Variants in SLC43A2 observed in about 807,000 individuals in gnomAD.
SLC43A2 encodes the protein large neutral amino acids transporter small subunit 4.
SLC43A2 carries 38 observed loss-of-function variants against 63.2 expected under a neutral mutation model. That is an observed-to-expected ratio of 0.60 (90% confidence interval 0.46 to 0.79). SLC43A2 has a LOEUF of 0.79. SLC43A2 is among the 30% of genes least tolerant of loss of function. SLC43A2 has a pLI of 0.00. For missense variants in SLC43A2, 644 were observed against 756.2 expected (o/e 0.85, Z 1.74); for synonymous variants, 322 against 331.0 (o/e 0.97, Z 0.30).
chr17:1,594,688 C>T (rs548971343), intron 5 of SLC43A2, among the ~76,000 whole-genome samples: 24 of 147,880 alleles, frequency 1.6e-4, no homozygotes, highest in African/African-American at 4.3e-4. Flanking sequence ...CCCAGGTTCA[C>T]GCCATTCTCC....
chr17:1,578,379 C>A lies in SLC43A2; in HGVS notation c.1351-56G>T. ...AGGCCTTAAGGGACCGTCCCCTCAG[C>A]CCCCGCCCTCCAATTCCTGGGGGCC... On this transcript the variant is annotated intron_variant, in intron 11 of 13. Coordinates refer to ENST00000301335, the MANE Select transcript of SLC43A2 (RefSeq NM_152346.3). The surrounding 1 kb of genome is among the most constrained non-coding windows in gnomAD (Gnocchi z 6.5). 1 of 1,541,336 alleles carries A rather than the reference C, an allele frequency of 6.5e-7. No homozygotes were observed. The highest frequency in any genetic ancestry group is 8.9e-7 in the Non-Finnish European group (1 of 1,126,776).
In SLC43A2 at chr17:1,574,784, G is replaced by A. The variant is rs892351860; in HGVS notation, c.*820C>T. On this transcript the variant is annotated 3_prime_UTR_variant, in exon 14 of 14. Coordinates refer to ENST00000301335, the MANE Select transcript of SLC43A2 (RefSeq NM_152346.3). ...CCACACACACCTCGGACCCACCCAC[G>A]TCCCCACCCCGGCCTGGACCTCCAC... 2.1e-5 allele frequency: 3 copies of A among 143,380 alleles called. No homozygotes were observed. The highest frequency in any genetic ancestry group is 2.2e-4 in the East Asian group (1 of 4,492). The allele number at this position is 143,380 out of a possible 1,614,324, so 8.9% of individuals were successfully genotyped here. A position where few individuals can be genotyped will look rare whatever the true frequency, so the allele number is the denominator to read the frequency against.
At position 1,613,289 on chromosome 17, in the gene SLC43A2, G is replaced by A. The variant is rs1255715420; in HGVS notation, c.425-18C>T. The A allele has an allele frequency of 6.2e-7, 1 of 1,613,478 alleles. No homozygotes were observed. The highest frequency in any genetic ancestry group is 1.3e-5 in the African/African-American group (1 of 74,904). On this transcript the variant is annotated intron_variant, in intron 4 of 13. Transcript: ENST00000301335. The stretch of plus-strand genomic sequence containing the variant: ...GGAGAGAGCTGCAGGGACATGGAAA[G>A]CTCGTGAGTGGAGACCCCAGCTGAG...
In SLC43A2 at chr17:1,569,455, A is replaced by G. The variant is rs961019164; in HGVS notation, c.*6149T>C. On this transcript the variant is annotated 3_prime_UTR_variant, in exon 14 of 14. Coordinates refer to ENST00000301335, the MANE Select transcript of SLC43A2 (RefSeq NM_152346.3). ...CGGGGTCTTGGGGCCGCTCCTGCCC[A>G]GGTGTTCTTTCCAGCAATGGAAAGG... 2 of 152,182 alleles carry G rather than the reference A, an allele frequency of 1.3e-5. No individual in the cohort carries two copies. The highest frequency in any genetic ancestry group is 2.9e-5 in the Non-Finnish European group (2 of 68,042). The allele number at this position is 152,182 out of a possible 1,614,324, so 9.4% of individuals were successfully genotyped here. A position where few individuals can be genotyped will look rare whatever the true frequency, so the allele number is the denominator to read the frequency against.
Position 1,605,278 on chromosome 17 carries a change from G to T in SLC43A2, c.501+7917C>A. ...GGCTGCAGCATAAACAGGCCGGACT[G>T]TGTGACCTTCCCAGAGGGGAAAACA... On this transcript the variant is annotated intron_variant, in intron 5 of 13. Transcript: ENST00000301335. This position sits in a 1 kb window ranked among gnomAD's most constrained non-coding sequence, Gnocchi z 4.9. 9.7e-7 allele frequency: 1 copy of T among 1,028,348 alleles called. No homozygotes were observed. Among genetic ancestry groups the T allele is most frequent in the South Asian group, 3.1e-5 (1 of 32,406 alleles). The allele number at this position is 1,028,348 out of a possible 1,614,324, so 63.7% of individuals were successfully genotyped here. A position where few individuals can be genotyped will look rare whatever the true frequency, so the allele number is the denominator to read the frequency against.
chr17:1,586,492 C>T (rs1395119803), intron 9 of SLC43A2, among the ~76,000 whole-genome samples: 4 of 151,972 alleles, frequency 2.6e-5, no homozygotes, highest in Admixed American at 6.6e-5. Context: ...GTCAGGAGTT[C>T]GAGACCAGAC....
intron 5 of SLC43A2, among the ~76,000 whole-genome samples, chr17:1,595,994 A>G (rs1373607088): frequency 3.3e-5 from 5 of 152,176 alleles, no homozygotes; most frequent in Non-Finnish European, 7.3e-5. Flanking sequence ...AGCAAAATTT[A>G]AAACCTCTGT....
At chr17:1,621,969 A>C (rs964678467) in intron 2 of SLC43A2, among the ~76,000 whole-genome samples, 1 of 151,934 alleles carries the variant, frequency 6.6e-6, no homozygotes, top group African/African-American at 2.4e-5. Flanking sequence ...TGGGACTAAG[A>C]CTCTCCCACG....
rs898495111 is a variant in SLC43A2 at position 1,605,759 on chromosome 17, G to A, written c.501+7436C>T. 2.2e-4 allele frequency among the ~76,000 whole-genome samples: 34 copies of A among 152,330 alleles called. No homozygotes were observed. The highest frequency in any genetic ancestry group is 7.7e-4 in the African/African-American group (32 of 41,578). On this transcript the variant is annotated intron_variant, in intron 5 of 13. Transcript: ENST00000301335. This position sits in a 1 kb window ranked among gnomAD's most constrained non-coding sequence, Gnocchi z 4.9. ...GAACCAGACTGCACAGGTAGACTCT[G>A]CCAGGCTGGGCTGTTTCCTACCCAC...
intron 3 of SLC43A2, 109 bp downstream of exon 3, chr17:1,616,453 G>A (rs1907670729): frequency 9.1e-7 from 1 of 1,093,776 alleles, no homozygotes; most frequent in African/African-American, 1.6e-5. Flanking sequence ...CCTTCAGGGA[G>A]CTCCACAGTA....
intron 5 of SLC43A2, chr17:1,604,486 C>T (rs963153482): frequency 9.4e-5 from 51 of 540,908 alleles, no homozygotes; most frequent in South Asian, 8.0e-4. Context: ...TGACCTGGGC[C>T]GGTTCAGCCC....
chr17:1,615,784 A>C (rs953162799), intron 3 of SLC43A2, among the ~76,000 whole-genome samples: 2 of 147,534 alleles, frequency 1.4e-5, no homozygotes, highest in Non-Finnish European at 3.0e-5. Flanking sequence ...CGGAGCTCGC[A>C]GTGAGCCGAG....
At chr17:1,586,832 G>T in intron 9 of SLC43A2, 1 of 1,082,302 alleles carries the variant, frequency 9.2e-7, no homozygotes, top group Non-Finnish European at 1.3e-6. Context: ...TTACCCCCAC[G>T]GCTCTAGCCA....
intron 11 of SLC43A2, among the ~76,000 whole-genome samples, chr17:1,581,947 C>T (rs1245554869): frequency 6.6e-6 from 1 of 151,212 alleles, no homozygotes; most frequent in Non-Finnish European, 1.5e-5. Context: ...GCTGGGATTA[C>T]AGGCATGTGC....
chr17:1,587,909 C>A (rs1339445154), intron 9 of SLC43A2, among the ~76,000 whole-genome samples: 1 of 152,226 alleles, frequency 6.6e-6, no homozygotes, highest in African/African-American at 2.4e-5. Flanking sequence ...GTACCCTGCT[C>A]CCATTTTCAG....
chr17:1,626,015 C>CA (rs1908629919), intron 2 of SLC43A2, among the ~76,000 whole-genome samples: 1 of 135,244 alleles, frequency 7.4e-6, no homozygotes, highest in Non-Finnish European at 1.6e-5. Context: ...TAAAAAAAAA[C>CA]AAAAAACAAA....
chr17:1,607,900 G>T (rs1487195990), intron 5 of SLC43A2, among the ~76,000 whole-genome samples: 1 of 152,098 alleles, frequency 6.6e-6, no homozygotes, highest in Non-Finnish European at 1.5e-5. Flanking sequence ...ATTTTTAGTA[G>T]AGACGGGGTT....
At position 1,575,642 on chromosome 17, in the gene SLC43A2, T is replaced by G; in HGVS notation, c.1672A>C (p.Lys558Gln). Residue 558 changes from lysine to glutamine, a missense_variant, in exon 14 of 14, where the codon AAA becomes CAA. This residue lies in a region of SLC43A2 where 105 missense variants were observed against 101.7 expected (regional missense o/e 1.03). Coordinates refer to ENST00000301335, the MANE Select transcript of SLC43A2 (RefSeq NM_152346.3). ...TCCTGGTTGGACGAGCCGTTGATTT[T>G]GAGGAAGAGTTTGTCATCCTCCTGC... ...QRQEDDKLFL[K>Q]INGSSNQEAF... The G allele has an allele frequency of 6.2e-7, 1 of 1,614,146 alleles. No homozygotes were observed. The highest frequency in any genetic ancestry group is 8.5e-7 in the Non-Finnish European group (1 of 1,180,014).
chr17:1,627,499 G>A (rs1908761204), intron 2 of SLC43A2, among the ~76,000 whole-genome samples: 1 of 152,132 alleles, frequency 6.6e-6, no homozygotes, highest in Non-Finnish European at 1.5e-5. Context: ...GCGGCCTTGC[G>A]CAAGACAGAT....
Sources: gnomAD v4.1 joint callset for allele counts (sites outside exome capture counted in the v4.1 genomes callset) on GRCh38, gnomAD v4.1.1 for gene constraint, gnomAD v4.1.1 regional missense constraint, Gnocchi (gnomAD v3.1) non-coding constraint, MANE v1.5 for transcripts, NCBI Gene and HGNC (gene_info 2026-07-23, HGNC 2026-07-21) for gene names.